Variants in FIP1L1 observed in about 807,000 individuals in gnomAD.
The protein encoded by FIP1L1 is pre-mRNA 3'-end-processing factor FIP1.
In FIP1L1, 21 loss-of-function variants were observed where a neutral mutation model predicts 84.6. The ratio of observed to expected loss-of-function variants is 0.25; its 90% confidence interval spans 0.18 to 0.36. The LOEUF (loss-of-function observed/expected upper bound fraction) is 0.36, where lower values mean the gene tolerates loss of function less well. FIP1L1 is among the 10% of genes least tolerant of loss of function. The pLI, the probability that FIP1L1 is intolerant of heterozygous loss-of-function variation, is 1.00. For missense variants in FIP1L1, 526 were observed against 751.1 expected (o/e 0.70, Z 3.50); for synonymous variants, 263 against 242.3 (o/e 1.09, Z -0.80).
intron 14 of FIP1L1, 45 bp from the exon 15 acceptor site, chr4:53,444,003 A>C (rs1485157212): frequency 7.2e-7 from 1 of 1,384,274 alleles, no homozygotes; most frequent in East Asian, 2.3e-5. Context: ...TAAAATTCAG[A>C]ACTTATTTGT....
intron 9 of FIP1L1, among the ~76,000 whole-genome samples, chr4:53,392,506 G>C (rs1319144069): frequency 5.9e-5 from 9 of 152,154 alleles, no homozygotes; most frequent in Non-Finnish European, 5.9e-5. Flanking sequence ...GATGATGTCT[G>C]TTGTGTTTTA....
At chr4:53,401,332 C>G (rs1450935021) in intron 10 of FIP1L1, among the ~76,000 whole-genome samples, 1 of 152,072 alleles carries the variant, frequency 6.6e-6, no homozygotes, top group Non-Finnish European at 1.5e-5. Context: ...TTTGGCTTTT[C>G]CTATAAATTA....
intron 16 of FIP1L1, among the ~76,000 whole-genome samples, chr4:53,458,095 A>T (rs1489649154): frequency 6.6e-6 from 1 of 152,158 alleles, no homozygotes; most frequent in Non-Finnish European, 1.5e-5. Context: ...AGTTGCTTTG[A>T]TGTCTCTGTT....
intron 13 of FIP1L1, chr4:53,440,808 T>C (rs1211181517): frequency 1.9e-6 from 1 of 516,394 alleles, no homozygotes; most frequent in Non-Finnish European, 3.5e-6. Flanking sequence ...CTTACCCGTT[T>C]CTGTAGAAAT....
intron 10 of FIP1L1, among the ~76,000 whole-genome samples, chr4:53,404,093 C>G (rs1374627114): frequency 2.0e-5 from 3 of 151,322 alleles, no homozygotes; most frequent in Admixed American, 1.3e-4. Context: ...ATGTGCCATG[C>G]TGGTGTGCTG....
At chr4:53,388,858 T>C (rs985702322) in intron 5 of FIP1L1, among the ~76,000 whole-genome samples, 1 of 152,232 alleles carries the variant, frequency 6.6e-6, no homozygotes, top group African/African-American at 2.4e-5. Flanking sequence ...TGCAATGAAT[T>C]ATTCAAATAA....
At chr4:53,432,110 A>G (rs901353879) in intron 13 of FIP1L1, among the ~76,000 whole-genome samples, 2 of 152,078 alleles carry the variant, frequency 1.3e-5, no homozygotes, top group African/African-American at 4.8e-5. Context: ...GAAAACAAAT[A>G]CTGGGCCAGG....
intron 9 of FIP1L1, among the ~76,000 whole-genome samples, chr4:53,398,123 C>G (rs1240940362): frequency 6.6e-6 from 1 of 151,834 alleles, no homozygotes; most frequent in African/African-American, 2.4e-5. Flanking sequence ...TTCCTAAGGT[C>G]CAGGATCCTG....
intron 1 of FIP1L1, 113 bp downstream of exon 1, chr4:53,378,036 G>T: frequency 1.0e-6 from 1 of 992,438 alleles, no homozygotes; most frequent in Non-Finnish European, 1.4e-6. Context: ...CTGGTTGGGA[G>T]TCCTGTCCGG....
At chr4:53,405,402 G>A (rs1272746907) in intron 10 of FIP1L1, among the ~76,000 whole-genome samples, 1 of 152,120 alleles carries the variant, frequency 6.6e-6, no homozygotes, top group Non-Finnish European at 1.5e-5. Context: ...TGCTGTTTTG[G>A]TTACTGTAGC....
rs368345988 is a variant in FIP1L1, at chr4:53,413,977, CAT to C, written c.816-637_816-636del. Reference sequence around the variant, plus strand: ...TTACATAAACAAGCAGATGCATAAACATGTATATATATCCTGTTGCTTTGAAA... The same window carrying C: ...TTACATAAACAAGCAGATGCATAAACGTATATATATCCTGTTGCTTTGAAA... On this transcript the variant is annotated intron_variant, in intron 10 of 17. Transcript: ENST00000337488. 7.9e-4 allele frequency among the ~76,000 whole-genome samples: 120 copies of C among 152,208 alleles called. 5 individuals carry two copies. The South Asian group carries it at 0.022, about 28-fold the overall frequency.
chr4:53,459,556 T>C lies in FIP1L1; in HGVS notation c.*107T>C, dbSNP rs1407211687. On this transcript the variant is annotated 3_prime_UTR_variant, in exon 18 of 18. Transcript: ENST00000337488. ...AATTTACCTTAAATCTTGTTCTGTTTGTTAGTATGAAAAGTTAACTTTTTT... is the reference window on the plus strand; with the variant it reads ...AATTTACCTTAAATCTTGTTCTGTTCGTTAGTATGAAAAGTTAACTTTTTT... 1 of 1,493,688 alleles carries C rather than the reference T, an allele frequency of 6.7e-7. No homozygotes were observed. The highest frequency in any genetic ancestry group is 2.0e-5 in the Admixed American group (1 of 51,172). The allele number at this position is 1,493,688 out of a possible 1,614,324, so 92.5% of individuals were successfully genotyped here. A position where few individuals can be genotyped will look rare whatever the true frequency, so the allele number is the denominator to read the frequency against.
At chr4:53,427,168 C>T (rs1466771014) in intron 12 of FIP1L1, among the ~76,000 whole-genome samples, 1 of 152,174 alleles carries the variant, frequency 6.6e-6, no homozygotes, top group Non-Finnish European at 1.5e-5. Flanking sequence ...ACAAAAAACA[C>T]TGCACTTAAA....
chr4:53,456,829 A>G (rs1182614484), intron 16 of FIP1L1, among the ~76,000 whole-genome samples: 1 of 152,082 alleles, frequency 6.6e-6, no homozygotes, highest in African/African-American at 2.4e-5. Flanking sequence ...TTCCCATCAC[A>G]GGGCTGCTTT....
In FIP1L1 at chr4:53,459,504, T is replaced by TGTTA; in HGVS notation, c.*56_*59dup. On this transcript the variant is annotated 3_prime_UTR_variant, in exon 18 of 18. Coordinates refer to ENST00000337488, the MANE Select transcript of FIP1L1 (RefSeq NM_030917.4). ...TACCAGAAGTAGATACTATAAATCT[T>TGTTA]GTTATTTTTCTGGATAATGTTTAAG... 1.2e-6 allele frequency: 2 copies of TGTTA among 1,607,704 alleles called. No individual in the cohort carries two copies. The highest frequency in any genetic ancestry group is 1.7e-6 in the Non-Finnish European group (2 of 1,176,186).
intron 9 of FIP1L1, among the ~76,000 whole-genome samples, chr4:53,392,546 T>G (rs774252092): frequency 1.3e-5 from 2 of 152,262 alleles, no homozygotes; most frequent in Non-Finnish European, 2.9e-5. Flanking sequence ...TGGGTTATAT[T>G]GTCTATATAG....
intron 14 of FIP1L1, among the ~76,000 whole-genome samples, chr4:53,443,838 A>C (rs1471605049): frequency 1.3e-5 from 2 of 152,112 alleles, no homozygotes; most frequent in African/African-American, 4.8e-5. Flanking sequence ...GTATTAGTAC[A>C]TCCTATTTTT....
Position 53,436,715 on chromosome 4 carries a change from T to C in FIP1L1, c.1175-5938T>C, listed in dbSNP as rs565651798. ...TTATAGACAATCTGTTTAGTTTTTT[T>C]GTGAGTGCAAAGCCCACTATTAATT... On this transcript the variant is annotated intron_variant, in intron 13 of 17. Coordinates refer to ENST00000337488, the MANE Select transcript of FIP1L1 (RefSeq NM_030917.4). Among the ~76,000 whole-genome samples the C allele has an allele frequency of 1.6e-4, 25 of 152,332 alleles. No individual in the cohort carries two copies. The South Asian group carries it at 3.5e-3, about 21-fold the overall frequency.
In FIP1L1 at chr4:53,453,101, T is replaced by C; in HGVS notation, c.1467T>C (p.Arg489=). Residue 489 remains arginine, a synonymous_variant, in exon 16 of 18, where the codon CGT becomes CGC. Coordinates refer to ENST00000337488, the MANE Select transcript of FIP1L1 (RefSeq NM_030917.4). The part of the protein sequence containing the change: ...RERTRERERE[R]DHSPTPSVFN... Reference sequence around the variant, plus strand: ...GCACCAGAGAGAGAGAGAGGGAGCGTGATCACAGTCCTACACCAAGTGTTT... The same window carrying C: ...GCACCAGAGAGAGAGAGAGGGAGCGCGATCACAGTCCTACACCAAGTGTTT... 1.2e-6 allele frequency: 2 copies of C among 1,613,942 alleles called. No individual in the cohort carries two copies. Among genetic ancestry groups the C allele is most frequent in the Middle Eastern group, 1.7e-4 (1 of 6,060 alleles).
Sources: allele counts gnomAD v4.1 joint callset (sites outside exome capture counted in the v4.1 genomes callset), GRCh38; gene constraint gnomAD v4.1.1; transcripts MANE v1.5; gene names NCBI Gene and HGNC (gene_info 2026-07-23, HGNC 2026-07-21).